The following DDX20 variants were observed in gnomAD, a reference collection of about 807,000 sequenced individuals.
DDX20 encodes the protein DEAD-box helicase 20, also known as probable ATP-dependent RNA helicase DDX20.
Under a neutral mutation model 76.4 loss-of-function variants are expected in DDX20, and 61 were observed. That is an observed-to-expected ratio of 0.80 (90% confidence interval 0.65 to 0.99). The LOEUF (loss-of-function observed/expected upper bound fraction) is 0.99, where lower values mean the gene tolerates loss of function less well. Among genes scored for constraint, DDX20 ranks in the 50% least tolerant of loss-of-function variants. The pLI is 0.00. For missense variants in DDX20, 976 were observed against 996.8 expected (o/e 0.98, Z 0.28); for synonymous variants, 357 against 357.4 (o/e 1.00, Z 0.01).
intron 2 of DDX20, 88 bp from the exon 3 acceptor site, chr1:111,759,307 TAAATG>T: frequency 1.1e-6 from 1 of 943,998 alleles, no homozygotes; most frequent in Admixed American, 3.0e-5. Context: ...AATGATCATT[TAAATG>T]AAATATAGTG....
rs1027193242 is a variant in DDX20 at position 111,756,301 on chromosome 1, C to T, written c.301+76C>T. The T allele has an allele frequency of 5.2e-6, 7 of 1,351,840 alleles. No homozygotes were observed. In the African/African-American group the frequency reaches 6.2e-5, roughly 12 times the overall value. The allele number at this position is 1,351,840 out of a possible 1,614,324, so 83.7% of individuals were successfully genotyped here. A position where few individuals can be genotyped will look rare whatever the true frequency, so the allele number is the denominator to read the frequency against. On this transcript the variant is annotated intron_variant, in intron 1 of 10. Transcript: ENST00000369702. ...ACCGACGGGCGGCGGCGGCCAGGCC[C>T]GCGCCGCAGCTCAGGAAGAGCCCTC... is the stretch of plus-strand genomic sequence containing the variant.
intron 10 of DDX20, among the ~76,000 whole-genome samples, chr1:111,764,867 A>C (rs1663747215): frequency 6.6e-6 from 1 of 152,236 alleles, no homozygotes; most frequent in African/African-American, 2.4e-5. Context: ...ATTGGCCTGT[A>C]TTATAGGACT....
At position 111,766,301 on chromosome 1, in the gene DDX20, C is replaced by A. The variant is rs754605950; in HGVS notation, c.1877C>A (p.Pro626His). The change falls in exon 11 of 11, where the codon CCT becomes CAT. Residue 626 changes from proline to histidine, a missense_variant. By Grantham distance (77) the Pro-to-His change is moderately conservative. Coordinates refer to ENST00000369702, the MANE Select transcript of DDX20 (RefSeq NM_007204.5). ...GGCCCTGGGGATCAGACTGTGAATC[C>A]TCAAAATGGTTTTGTGAGAAATAAA... ...YTGPGDQTVN[P>H]QNGFVRNKVI... 1.9e-6 allele frequency: 3 copies of A among 1,614,134 alleles called. No homozygotes were observed. The highest frequency in any genetic ancestry group is 1.7e-6 in the Non-Finnish European group (2 of 1,180,018).
Position 111,756,127 on chromosome 1 carries a change from T to TTCG in DDX20, c.203_204insTCG (p.Leu68_Leu69insArg). On this transcript the variant is annotated inframe_insertion, in exon 1 of 11. Transcript: ENST00000369702. Reference sequence around the variant, plus strand: ...GAGCCGGCCGACTTCGAGTCACTGCTGCTTTCGCGGCCGGTGCTGGAGGGG... The same window carrying TTCG: ...GAGCCGGCCGACTTCGAGTCACTGCTTCGGCTTTCGCGGCCGGTGCTGGAGGGG... 1 of 1,590,120 alleles carries TTCG rather than the reference T, an allele frequency of 6.3e-7. No homozygotes were observed.
Position 111,760,498 on chromosome 1 carries a change from T to G in DDX20, c.590T>G (p.Leu197Arg), listed in dbSNP as rs765972775. Residue 197 changes from leucine to arginine, a missense_variant, in exon 4 of 11, where the codon CTT becomes CGT. This residue lies in a region of DDX20 where 343 missense variants were observed against 286.4 expected (regional missense o/e 1.20). Transcript: ENST00000369702. ...SPGRIKQLIE[L>R]DYLNPGSIRL... ...GGCAGAATTAAGCAACTCATAGAAC[T>G]TGACTACTTGAACCCAGGCAGTATA... The G allele has an allele frequency of 3.1e-6, 5 of 1,603,458 alleles. No homozygotes were observed. In the East Asian group the frequency reaches 1.1e-4, roughly 36 times the overall value.
chr1:111,756,967 C>A (rs1663571524), intron 2 of DDX20, among the ~76,000 whole-genome samples: 1 of 152,024 alleles, frequency 6.6e-6, no homozygotes, highest in African/African-American at 2.4e-5. Flanking sequence ...AGGGATTCTT[C>A]TTTTACTTAC....
At chr1:111,756,314 A>G (rs1012529986) in intron 1 of DDX20, 89 bp downstream of exon 1, 5 of 1,321,328 alleles carry the variant, frequency 3.8e-6, no homozygotes, top group Non-Finnish European at 3.9e-6. Context: ...GCCGCAGCTC[A>G]GGAAGAGCCC....
Position 111,759,524 on chromosome 1 carries a change from A to C in DDX20, c.521A>C (p.Asp174Ala). The C allele has an allele frequency of 1.2e-6, 2 of 1,613,884 alleles. No individual in the cohort carries two copies. The highest frequency in any genetic ancestry group is 1.7e-6 in the Non-Finnish European group (2 of 1,179,946). Residue 174 changes from aspartate to alanine, a missense_variant, in exon 3 of 11, where the codon GAC becomes GCC. Transcript: ENST00000369702. Reference sequence around the variant, plus strand: ...ATTGGAGGGACCCCATTATCACAAGACAAAACCAGACTTAAAAAGTGTCAT... The same window carrying C: ...ATTGGAGGGACCCCATTATCACAAGCCAAAACCAGACTTAAAAAGTGTCAT... ...VFIGGTPLSQ[D>A]KTRLKKCHIA...
At chr1:111,759,086 T>A (rs980075018) in intron 2 of DDX20, among the ~76,000 whole-genome samples, 2 of 152,222 alleles carry the variant, frequency 1.3e-5, no homozygotes, top group Admixed American at 1.3e-4. Flanking sequence ...ACCATTTACA[T>A]AGCATTTAAA....
At position 111,760,595 on chromosome 1, in the gene DDX20, A is replaced by G. The variant is rs1284100950; in HGVS notation, c.680+7A>G. On this transcript the variant is annotated splice_region_variant and intron_variant, in intron 4 of 10. Coordinates refer to ENST00000369702, the MANE Select transcript of DDX20 (RefSeq NM_007204.5). ...GCTTCCAGGAGCAAATAAAGTAAGA[A>G]AAATAACTAACTTGACTATTAAAAC... 6.2e-7 allele frequency: 1 copy of G among 1,605,132 alleles called. No homozygotes were observed. Among genetic ancestry groups the G allele is most frequent in the South Asian group, 1.1e-5 (1 of 89,064 alleles).
intron 2 of DDX20, 68 bp downstream of exon 2, chr1:111,756,808 C>A: frequency 7.9e-7 from 1 of 1,266,716 alleles, no homozygotes; most frequent in Non-Finnish European, 1.2e-6. Flanking sequence ...GATGAAATAC[C>A]AGTAGCTCCT....
chr1:111,761,139 A>G lies in DDX20; in HGVS notation c.962+14A>G. ...TTTGCACAGCAGGTAATGTAACTTA[A>G]AAGGTCATCTGGGGAACTTGTGAAA... is the stretch of plus-strand genomic sequence containing the variant. On this transcript the variant is annotated intron_variant, in intron 6 of 10. Transcript: ENST00000369702. 6.2e-7 allele frequency: 1 copy of G among 1,612,688 alleles called. No homozygotes were observed. The highest frequency in any genetic ancestry group is 8.5e-7 in the Non-Finnish European group (1 of 1,179,356).
chr1:111,760,688 T>A lies in DDX20; in HGVS notation c.681-18T>A, dbSNP rs780208001. The A allele has an allele frequency of 6.2e-7, 1 of 1,607,054 alleles. No individual in the cohort carries two copies. The highest frequency in any genetic ancestry group is 1.7e-5 in the Admixed American group (1 of 58,436). On this transcript the variant is annotated intron_variant, in intron 4 of 10. Coordinates refer to ENST00000369702, the MANE Select transcript of DDX20 (RefSeq NM_007204.5). Reference sequence around the variant, plus strand: ...TATTGTTTGAATAATTTACATGGTATCTGTTTTTATTTTGCAGTTGGATTT... The same window carrying A: ...TATTGTTTGAATAATTTACATGGTAACTGTTTTTATTTTGCAGTTGGATTT...
At chr1:111,764,761 G>A (rs933787849) in intron 10 of DDX20, among the ~76,000 whole-genome samples, 2 of 152,156 alleles carry the variant, frequency 1.3e-5, no homozygotes, top group East Asian at 3.9e-4. Context: ...GAAATCATGA[G>A]AAAATGATAT....
At chr1:111,760,910 T>G in intron 5 of DDX20, 62 bp downstream of exon 5, 1 of 1,596,280 alleles carries the variant, frequency 6.3e-7, no homozygotes, top group Middle Eastern at 1.7e-4. Flanking sequence ...GAGCTTTCCC[T>G]TGCCTAGTTT....
Position 111,761,246 on chromosome 1 carries a change from T to C in DDX20, c.983T>C (p.Ile328Thr), listed in dbSNP as rs1408924735. 6.2e-6 allele frequency: 10 copies of C among 1,613,322 alleles called. No homozygotes were observed. In the East Asian group the frequency reaches 1.1e-4, roughly 18 times the overall value. The change falls in exon 7 of 11, where the codon ATC (isoleucine) becomes ACC (threonine). Residue 328 changes from isoleucine (I) to threonine (T), a missense_variant. By Grantham distance (89) the Ile-to-Thr change is moderately conservative (BLOSUM62 -1). Transcript: ENST00000369702. ...LHSRAQHLADILSSKGFPAEC... is the reference protein window; with the variant it reads ...LHSRAQHLADTLSSKGFPAEC... ...CATAGAGCACAACATTTGGCTGATA[T>C]CCTTTCTTCTAAAGGCTTTCCTGCT...
Position 111,760,834 on chromosome 1 carries a change from A to T in DDX20, c.809A>T (p.Asp270Val). Residue 270 changes from aspartate to valine, a missense_variant, in exon 5 of 11, where the codon GAT becomes GTT. Coordinates refer to ENST00000369702, the MANE Select transcript of DDX20 (RefSeq NM_007204.5). ...ACTTTTGTAAGACTGAATTCCAGTG[A>T]TCCAAGTCTCATAGGTGTGTACAGC... ...DPTFVRLNSS[D>V]PSLIGLKQYY... 1.2e-6 allele frequency: 2 copies of T among 1,612,568 alleles called. No homozygotes were observed. The highest frequency in any genetic ancestry group is 8.5e-7 in the Non-Finnish European group (1 of 1,179,562).
intron 7 of DDX20, 79 bp from the exon 8 acceptor site, chr1:111,762,176 G>T (rs928304108): frequency 8.7e-7 from 1 of 1,149,256 alleles, no homozygotes; most frequent in Non-Finnish European, 1.3e-6. Flanking sequence ...TGGGTGTTAT[G>T]CTTTTTACTT....
At chr1:111,761,149 T>C (rs1663666755) in intron 6 of DDX20, 24 bp downstream of exon 6, 4 of 1,611,984 alleles carry the variant, frequency 2.5e-6, no homozygotes, top group Non-Finnish European at 3.4e-6. Context: ...AAAGGTCATC[T>C]GGGGAACTTG....
Sources: gnomAD v4.1 joint callset for allele counts (sites outside exome capture counted in the v4.1 genomes callset) on GRCh38, gnomAD v4.1.1 for gene constraint, gnomAD v4.1.1 regional missense constraint, MANE v1.5 for transcripts, NCBI Gene and HGNC (gene_info 2026-07-23, HGNC 2026-07-21) for gene names.